Variants in CD22 observed in about 807,000 individuals in gnomAD.
The protein encoded by CD22 is B-cell receptor CD22.
CD22 carries 51 observed loss-of-function variants against 94.7 expected under a neutral mutation model. The observed-to-expected ratio is 0.54, with a 90% CI of 0.43 to 0.68. The LOEUF is 0.68. Ranked by LOEUF, CD22 falls within the 30% of genes least tolerant of loss-of-function variation. The pLI, the probability that CD22 is intolerant of heterozygous loss-of-function variation, is 0.00. For synonymous variants in CD22, 424 were observed against 422.5 expected (o/e 1.00, Z -0.04); for missense variants, 931 against 1,060.4 (o/e 0.88, Z 1.69).
chr19:35,346,859 C>G lies in CD22; in HGVS notation c.*162C>G, dbSNP rs769845721. On this transcript the variant is annotated 3_prime_UTR_variant, in exon 14 of 14. Transcript: ENST00000085219. ...ACACTCACTGCGGAGAACCTTGTGC[C>G]TGGCTCAGAGCCAGTCTTTTTGGTG... The G allele has an allele frequency of 8.9e-5, 67 of 750,016 alleles. No individual in the cohort carries two copies. Among genetic ancestry groups the G allele is most frequent in the Non-Finnish European group, 1.3e-4 (63 of 482,768 alleles). The allele number at this position is 750,016 out of a possible 1,614,324, so 46.5% of individuals were successfully genotyped here. A position where few individuals can be genotyped will look rare whatever the true frequency, so the allele number is the denominator to read the frequency against.
chr19:35,339,591 T>C (rs552038366), intron 6 of CD22, among the ~76,000 whole-genome samples: 5 of 147,638 alleles, frequency 3.4e-5, no homozygotes, highest in Admixed American at 6.7e-5. Context: ...CATGGTGGCT[T>C]ACGCCTGTAA....
rs749072340 is a variant in CD22 at position 35,341,866 on chromosome 19, T to C, written c.1936T>C (p.Leu646=). 1.2e-6 allele frequency: 2 copies of C among 1,614,104 alleles called. No homozygotes were observed. The highest frequency in any genetic ancestry group is 3.3e-5 in the Admixed American group (2 of 60,008). The change falls in exon 9 of 14, where the codon TTG becomes CTG. Residue 646 remains leucine (L), a synonymous_variant. Transcript: ENST00000085219. The surrounding 1 kb of genome is among the most constrained non-coding windows in gnomAD (Gnocchi z 4.0). ...SLPYHSQKLR[L]EPVKVQHSGA... ...CCCCTACCACAGCCAGAAGCTGAGA[T>C]TGGAGCCGGTGAAGGTCCAGCACTC...
rs1316219447 is a variant in CD22, at chr19:35,337,854, A to G, written c.818A>G (p.Glu273Gly). ...TGCGAGGTCAGCAGCAGCAACCCGG[A>G]GTACACGACGGTATCCTGGCTCAAG... is the stretch of plus-strand genomic sequence containing the variant. ...MTCEVSSSNP[E>G]YTTVSWLKDG... The change falls in exon 5 of 14, where the codon GAG (glutamate) becomes GGG (glycine). Residue 273 changes from glutamate (E) to glycine (G), a missense_variant. By Grantham distance (98) the Glu-to-Gly change is moderately conservative. Transcript: ENST00000085219. The surrounding 1 kb of genome is among the most constrained non-coding windows in gnomAD (Gnocchi z 4.4). 6.2e-7 allele frequency: 1 copy of G among 1,614,012 alleles called. No individual in the cohort carries two copies. The highest frequency in any genetic ancestry group is 8.5e-7 in the Non-Finnish European group (1 of 1,179,994).
chr19:35,340,850 T>G, intron 6 of CD22, 31 bp from the exon 7 acceptor site: 1 of 1,613,240 alleles, frequency 6.2e-7, no homozygotes, highest in Admixed American at 1.7e-5. Context: ...CAGCTGGCTT[T>G]TCTTTACTCA....
At position 35,346,873 on chromosome 19, in the gene CD22, G is replaced by C; in HGVS notation, c.*176G>C. On this transcript the variant is annotated 3_prime_UTR_variant, in exon 14 of 14. Coordinates refer to ENST00000085219, the MANE Select transcript of CD22 (RefSeq NM_001771.4). ...GAACCTTGTGCCTGGCTCAGAGCCA[G>C]TCTTTTTGGTGAGGGTAACCCCAAA... 1 of 661,396 alleles carries C rather than the reference G, an allele frequency of 1.5e-6. No homozygotes were observed. The highest frequency in any genetic ancestry group is 2.0e-5 in the South Asian group (1 of 48,796). The allele number at this position is 661,396 out of a possible 1,614,324, so 41.0% of individuals were successfully genotyped here.
intron 1 of CD22, among the ~76,000 whole-genome samples, chr19:35,331,424 G>C (rs1239065022): frequency 6.6e-6 from 1 of 152,172 alleles, no homozygotes; most frequent in African/African-American, 2.4e-5. Flanking sequence ...TATAAAATTA[G>C]AGATGGATGA....
chr19:35,346,218 T>C lies in CD22; in HGVS notation c.2395T>C (p.Leu799=). ...DCDDTVTYSA[L]HKRQVGDYEN... The stretch of plus-strand genomic sequence containing the variant: ...CGATGACACGGTCACTTATTCAGCA[T>C]TGCACAAGCGCCAAGTGGTAAGGAG... The change falls in exon 13 of 14, where the codon TTG becomes CTG. Residue 799 remains leucine, a synonymous_variant. Coordinates refer to ENST00000085219, the MANE Select transcript of CD22 (RefSeq NM_001771.4). 3 of 1,613,990 alleles carry C rather than the reference T, an allele frequency of 1.9e-6. No individual in the cohort carries two copies. Among genetic ancestry groups the C allele is most frequent in the East Asian group, 4.5e-5 (2 of 44,888 alleles).
At chr19:35,329,566 T>A (rs1257623579) in intron 1 of CD22, 1 of 231,590 alleles carries the variant, frequency 4.3e-6, no homozygotes, top group Admixed American at 4.3e-5. Flanking sequence ...GCATAATAAC[T>A]GCTGTCCCTA....
chr19:35,337,819 G>A lies in CD22; in HGVS notation c.783G>A (p.Val261=). ...CCATAGTGAGGGAGGGGGACTCTGT[G>A]ACCATGACCTGCGAGGTCAGCAGCA... ...SDAIVREGDS[V]TMTCEVSSSN... The change falls in exon 5 of 14, where the codon GTG becomes GTA. Residue 261 remains valine, a synonymous_variant. Coordinates refer to ENST00000085219, the MANE Select transcript of CD22 (RefSeq NM_001771.4). This position sits in a 1 kb window ranked among gnomAD's most constrained non-coding sequence, Gnocchi z 4.4. The A allele has an allele frequency of 6.2e-7, 1 of 1,613,458 alleles. No homozygotes were observed. The highest frequency in any genetic ancestry group is 8.5e-7 in the Non-Finnish European group (1 of 1,179,480).
chr19:35,341,383 T>G lies in CD22; in HGVS notation c.1548T>G (p.Leu516=). 6.2e-7 allele frequency: 1 copy of G among 1,613,148 alleles called. No homozygotes were observed. The highest frequency in any genetic ancestry group is 1.3e-5 in the African/African-American group (1 of 74,708). The change falls in exon 8 of 14, where the codon CTT becomes CTG. Residue 516 remains leucine, a synonymous_variant. Coordinates refer to ENST00000085219, the MANE Select transcript of CD22 (RefSeq NM_001771.4). The surrounding 1 kb of genome is among the most constrained non-coding windows in gnomAD (Gnocchi z 4.0). ...RDVRVRKIKP[L]SEIHSGNSVS... ...TGAGGGTCCGGAAAATCAAGCCCCT[T>G]TCCGAGATTCACTCTGGAAACTCGG...
Position 35,338,228 on chromosome 19 carries a change from T to C in CD22, c.1046T>C (p.Val349Ala), listed in dbSNP as rs552638898. ...LHSPAVEGSQ[V>A]EFLCMSLANP... Reference sequence around the variant, plus strand: ...TCACCGGCTGTGGAGGGAAGTCAAGTCGAGTTTCTTTGCATGTCACTGGCC... The same window carrying C: ...TCACCGGCTGTGGAGGGAAGTCAAGCCGAGTTTCTTTGCATGTCACTGGCC... The change falls in exon 6 of 14, where the codon GTC becomes GCC. Residue 349 changes from valine (V) to alanine (A), a missense_variant. Physicochemically the swap from Val to Ala is moderately conservative, Grantham distance 64. Transcript: ENST00000085219. 1 of 1,614,200 alleles carries C rather than the reference T, an allele frequency of 6.2e-7. No individual in the cohort carries two copies. Among genetic ancestry groups the C allele is most frequent in the African/African-American group, 1.3e-5 (1 of 75,054 alleles).
intron 11 of CD22, chr19:35,345,340 G>A: frequency 1.8e-6 from 1 of 550,802 alleles, no homozygotes; most frequent in Non-Finnish European, 3.2e-6. Flanking sequence ...AGAATCGCTT[G>A]AACCTGGGAG....
chr19:35,345,848 A>C, intron 12 of CD22, 128 bp downstream of exon 12: 1 of 721,924 alleles, frequency 1.4e-6, no homozygotes, highest in Non-Finnish European at 2.4e-6. Context: ...CCTCATTCCC[A>C]CTCGGCAACA....
At chr19:35,345,419 T>TCAAAA (rs1568492434) in intron 11 of CD22, 183 bp from the exon 12 acceptor site, 20 of 174,874 alleles carry the variant, frequency 1.1e-4, no homozygotes, top group Admixed American at 4.0e-4. Flanking sequence ...AGACTCTGCC[T>TCAAAA]CAAAAAAAAA....
chr19:35,340,990 G>T lies in CD22; in HGVS notation c.1359G>T (p.Arg453=). The change falls in exon 7 of 14, where the codon CGG becomes CGT. Residue 453 remains arginine (R), a synonymous_variant. Transcript: ENST00000085219. ...NYNSSNPSVT[R]YEWKPHGAWE... is the part of the protein sequence containing the mutation. Reference sequence around the variant, plus strand: ...ATTCCAGTAACCCCAGTGTTACCCGGTATGAATGGAAACCCCATGGCGCCT... The same window carrying T: ...ATTCCAGTAACCCCAGTGTTACCCGTTATGAATGGAAACCCCATGGCGCCT... 1.2e-6 allele frequency: 2 copies of T among 1,614,198 alleles called. No homozygotes were observed. The highest frequency in any genetic ancestry group is 2.2e-5 in the East Asian group (1 of 44,878).
intron 4 of CD22, chr19:35,336,604 T>G (rs1466563084): frequency 1.6e-5 from 8 of 495,654 alleles, no homozygotes; most frequent in Non-Finnish European, 2.9e-5. Flanking sequence ...TGGTGGGGAT[T>G]TTTTTCGCAT....
intron 6 of CD22, among the ~76,000 whole-genome samples, chr19:35,339,984 T>G (rs1276383901): frequency 3.9e-5 from 6 of 152,188 alleles, no homozygotes; most frequent in Admixed American, 3.9e-4. Flanking sequence ...AACTGTCTCA[T>G]TACCTCTCCA....
At chr19:35,329,886 T>C (rs1353611270) in intron 1 of CD22, 1 of 153,432 alleles carries the variant, frequency 6.5e-6, no homozygotes, top group Non-Finnish European at 1.5e-5. Context: ...TCTGCAACCC[T>C]GCTAAGTTTT....
Position 35,332,030 on chromosome 19 carries a change from G to A in CD22, c.-11G>A. 1.2e-6 allele frequency: 2 copies of A among 1,613,862 alleles called. No homozygotes were observed. The highest frequency in any genetic ancestry group is 8.5e-7 in the Non-Finnish European group (1 of 1,179,818). ...TCTCCCCTGCTCAGGCTTGCACCCA[G>A]ACACGACACCATGCATCTCCTCGGC... On this transcript the variant is annotated 5_prime_UTR_variant, in exon 2 of 14. Transcript: ENST00000085219.
Sources: gnomAD v4.1 joint callset for allele counts (sites outside exome capture counted in the v4.1 genomes callset) on GRCh38, gnomAD v4.1.1 for gene constraint, Gnocchi (gnomAD v3.1) non-coding constraint, MANE v1.5 for transcripts, NCBI Gene and HGNC (gene_info 2026-07-23, HGNC 2026-07-21) for gene names.